The following GRID2 variants were observed in gnomAD, a reference collection of about 807,000 sequenced individuals.
The protein encoded by GRID2 is glutamate ionotropic receptor delta type subunit 2.
GRID2 carries 33 observed loss-of-function variants against 114.8 expected under a neutral mutation model. The ratio of observed to expected loss-of-function variants is 0.29; its 90% CI spans 0.22 to 0.38. The LOEUF (loss-of-function observed/expected upper bound fraction) is 0.38. GRID2 is among the 10% of genes least tolerant of loss of function. GRID2 has a pLI of 1.00. For missense variants in GRID2, 1,184 were observed against 1,257.7 expected (o/e 0.94, Z 0.89); for synonymous variants, 505 against 449.9 (o/e 1.12, Z -1.55).
At chr4:93,590,202 T>C (rs1738057736) in intron 13 of GRID2, among the ~76,000 whole-genome samples, 1 of 150,910 alleles carries the variant, frequency 6.6e-6, no homozygotes, top group South Asian at 2.1e-4. Flanking sequence ...ACGTTTTAAG[T>C]CTTTAATCCA....
At chr4:93,637,919 TCAGA>T (rs542921999) in intron 14 of GRID2, among the ~76,000 whole-genome samples, 63 of 152,142 alleles carry the variant, frequency 4.1e-4, no homozygotes, top group Non-Finnish European at 6.8e-4. Context: ...TCATAATTGG[TCAGA>T]CAGTCTACTC....
chr4:92,866,773 G>A (rs1279692933), intron 2 of GRID2, among the ~76,000 whole-genome samples: 1 of 151,418 alleles, frequency 6.6e-6, no homozygotes, highest in African/African-American at 2.4e-5. Context: ...GGATGGTCTC[G>A]ATCTCCTGAC....
intron 2 of GRID2, among the ~76,000 whole-genome samples, chr4:92,963,262 TG>T (rs1752938878): frequency 6.6e-6 from 1 of 152,000 alleles, no homozygotes; most frequent in East Asian, 1.9e-4. Flanking sequence ...ATTGCCTCTT[TG>T]TTTCACAAAA....
At chr4:93,251,999 T>C (rs187729498) in intron 8 of GRID2, among the ~76,000 whole-genome samples, 2 of 152,282 alleles carry the variant, frequency 1.3e-5, no homozygotes, top group African/African-American at 4.8e-5. Flanking sequence ...ATGTAACTAG[T>C]ATTGGGATTG....
intron 12 of GRID2, among the ~76,000 whole-genome samples, chr4:93,508,451 T>C (rs1163106379): frequency 6.6e-6 from 1 of 152,118 alleles, no homozygotes; most frequent in Non-Finnish European, 1.5e-5. Flanking sequence ...CGCCTTGGCC[T>C]CCCAAAGGGC....
intron 3 of GRID2, among the ~76,000 whole-genome samples, chr4:93,094,153 A>G (rs957605021): frequency 6.6e-6 from 1 of 151,956 alleles, no homozygotes; most frequent in Non-Finnish European, 1.5e-5. Flanking sequence ...TTGCTTCAGG[A>G]AAAAAAGGGT....
intron 8 of GRID2, among the ~76,000 whole-genome samples, chr4:93,354,055 C>T (rs1229417393): frequency 2.0e-5 from 3 of 151,750 alleles, no homozygotes; most frequent in Non-Finnish European, 2.9e-5. Context: ...ATGCCAGACA[C>T]TGTATTAAGT....
At chr4:93,320,889 T>A (rs1757137364) in intron 8 of GRID2, among the ~76,000 whole-genome samples, 1 of 152,050 alleles carries the variant, frequency 6.6e-6, no homozygotes, top group African/African-American at 2.4e-5. Context: ...CAAGTTTGAT[T>A]TCCCTAGAAG....
chr4:93,065,971 T>G (rs1728256081), intron 2 of GRID2, among the ~76,000 whole-genome samples: 1 of 151,866 alleles, frequency 6.6e-6, no homozygotes, highest in Non-Finnish European at 1.5e-5. Flanking sequence ...CTCATTCAGT[T>G]CCCATAGTGA....
intron 2 of GRID2, among the ~76,000 whole-genome samples, chr4:92,815,581 G>A (rs77513536): frequency 0.087 from 13,292 of 151,962 alleles, 825 homozygotes; most frequent in East Asian, 0.23. Flanking sequence ...ACTAACACAT[G>A]TTGATTTCTG....
At chr4:92,856,066 G>A (rs980842122) in intron 2 of GRID2, among the ~76,000 whole-genome samples, 1 of 151,906 alleles carries the variant, frequency 6.6e-6, no homozygotes, top group African/African-American at 2.4e-5. Flanking sequence ...CTCCAAGCTG[G>A]AATTTTTTTC....
intron 1 of GRID2, among the ~76,000 whole-genome samples, chr4:92,546,354 A>G (rs1303009843): frequency 6.6e-6 from 1 of 152,152 alleles, no homozygotes; most frequent in Non-Finnish European, 1.5e-5. Context: ...ACTTTTCCCC[A>G]TCGTGCCATG....
exon 2 of GRID2, chr4:93,807,408 A>T (rs1387212869): frequency 1.3e-5 from 2 of 152,172 alleles, no homozygotes; most frequent in African/African-American, 4.8e-5. Context: ...TTTATCACAG[A>T]ATTCTCTCCA....
chr4:93,485,995 C>T (rs1317114746), intron 11 of GRID2, among the ~76,000 whole-genome samples: 1 of 151,682 alleles, frequency 6.6e-6, no homozygotes, highest in Non-Finnish European at 1.5e-5. Context: ...AATCAATGAA[C>T]ATGCTATATC....
chr4:93,740,693 A>G (rs1731289024), intron 14 of GRID2, among the ~76,000 whole-genome samples: 1 of 152,152 alleles, frequency 6.6e-6, no homozygotes, highest in Non-Finnish European at 1.5e-5. Flanking sequence ...ATAACCTAAA[A>G]TGATGCTTGA....
At chr4:93,042,809 T>C (rs951598558) in intron 2 of GRID2, among the ~76,000 whole-genome samples, 1 of 151,282 alleles carries the variant, frequency 6.6e-6, no homozygotes, top group Non-Finnish European at 1.5e-5. Context: ...AAATCATTGA[T>C]ATTTTTACAT....
intron 2 of GRID2, among the ~76,000 whole-genome samples, chr4:92,689,050 A>G (rs1734056822): frequency 6.6e-6 from 1 of 152,220 alleles, no homozygotes; most frequent in Admixed American, 6.5e-5. Flanking sequence ...CAAGACCAGT[A>G]TCAATGAGCA....
chr4:92,485,348 A>ATATAGT (rs1457659903), intron 1 of GRID2, among the ~76,000 whole-genome samples: 7 of 49,512 alleles, frequency 1.4e-4, no homozygotes, highest in Non-Finnish European at 2.1e-4. Context: ...ATATATATAT[A>ATATAGT]GTGTGTGTGT....
chr4:92,444,918 A>T (rs969783224), intron 1 of GRID2, among the ~76,000 whole-genome samples: 9 of 152,266 alleles, frequency 5.9e-5, no homozygotes, highest in African/African-American at 2.2e-4. Flanking sequence ...TTTTTCAGAC[A>T]AATCTATGAG....
Sources: allele counts gnomAD v4.1 joint callset (sites outside exome capture counted in the v4.1 genomes callset), GRCh38; gene constraint gnomAD v4.1.1; transcripts MANE v1.5; gene names NCBI Gene and HGNC (gene_info 2026-07-23, HGNC 2026-07-21).